Variants in ZNF718 observed in about 807,000 individuals in gnomAD.
The protein encoded by ZNF718 is zinc finger protein 718.
In ZNF718, 3 loss-of-function variants were observed where a neutral mutation model predicts 2.6. That is an observed-to-expected ratio of 1.16 (90% CI 0.53 to 3.01). The LOEUF (loss-of-function observed/expected upper bound fraction) is 3.01, where lower values mean the gene tolerates loss of function less well. Ranked by LOEUF, ZNF718 falls within the 30% of genes most tolerant of loss-of-function variation. The probability of loss-of-function intolerance (pLI) is 0.03; values close to 1 mark genes in which losing one functional copy is unlikely to be tolerated. For synonymous variants in ZNF718, 135 were observed against 77.9 expected (o/e 1.73, Z -3.86); for missense variants, 468 against 230.0 (o/e 2.03, Z -6.69).
chr4:201,713 C>A (rs1351098083), exon 5 of ZNF718: 1 of 183,480 alleles, frequency 5.5e-6, no homozygotes, highest in South Asian at 1.2e-4. Flanking sequence ...TAAATTTGGG[C>A]AACTCTGTAA....
chr4:139,932 A>G (rs1268253646), intron 3 of ZNF718, among the ~76,000 whole-genome samples: 1 of 151,932 alleles, frequency 6.6e-6, no homozygotes, highest in Non-Finnish European at 1.5e-5. Flanking sequence ...TGCTTAAGGA[A>G]CCTGGGTCTT....
chr4:198,150 C>T (rs1249794433), intron 3 of ZNF718, among the ~76,000 whole-genome samples: 1 of 152,110 alleles, frequency 6.6e-6, no homozygotes, highest in Non-Finnish European at 1.5e-5. Flanking sequence ...AGACCTGAGG[C>T]TGATCATGGC....
rs553042427 is a variant in ZNF718 at position 126,854 on chromosome 4, T to A, written c.3+2181T>A. On this transcript the variant is annotated intron_variant, in intron 1 of 3. Transcript: ENST00000510175. ...CTTTTTTTTTTTTTTTAAGACGGAG[T>A]CTTCGCTGTGTCGCCAGGCTGGAGT... Among the ~76,000 whole-genome samples the A allele has an allele frequency of 1.0e-4, 15 of 150,256 alleles. No homozygotes were observed. In the East Asian group the frequency reaches 2.9e-3, roughly 29 times the overall value.
rs781964713 is a variant in ZNF718 at position 162,025 on chromosome 4, T to G, written c.1340T>G (p.Val447Gly). ...AATAAACATAAGAAAATTCACACTGTAGATAAACCCTACAAATGTAAAGAA... is the reference window on the plus strand; with the variant it reads ...AATAAACATAAGAAAATTCACACTGGAGATAAACCCTACAAATGTAAAGAA... ...HLNKHKKIHT[V>G]DKPYKCKECG... The change falls in exon 4 of 4, where the codon GTA (valine) becomes GGA (glycine). Residue 447 changes from valine (V) to glycine (G), a missense_variant. By Grantham distance (109) the Val-to-Gly change is moderately radical (BLOSUM62 -3). Coordinates refer to ENST00000510175, the MANE Select transcript of ZNF718 (RefSeq NM_001039127.6). The G allele has an allele frequency of 1.3e-6, 1 of 778,050 alleles. No homozygotes were observed. Among genetic ancestry groups the G allele is most frequent in the Non-Finnish European group, 2.4e-6 (1 of 416,434 alleles). The allele number at this position is 778,050 out of a possible 1,614,324, so 48.2% of individuals were successfully genotyped here.
Position 158,024 on chromosome 4 carries a change from C to T in ZNF718, c.227-2888C>T, listed in dbSNP as rs782021800. Among the ~76,000 whole-genome samples, 111 of 152,130 alleles carry T rather than the reference C, an allele frequency of 7.3e-4. 2 individuals carry two copies. The highest frequency in any genetic ancestry group is 2.2e-4 in the Non-Finnish European group (15 of 68,006). On this transcript the variant is annotated intron_variant, in intron 3 of 3. Coordinates refer to ENST00000510175, the MANE Select transcript of ZNF718 (RefSeq NM_001039127.6). ...ATTTGAAACCCTAATGTGAGATACA[C>T]ACACACACATTAATATGTATATATA...
downstream of ZNF718, among the ~76,000 whole-genome samples, chr4:168,807 C>G (rs1438322019): frequency 6.6e-6 from 1 of 152,152 alleles, no homozygotes; most frequent in Non-Finnish European, 1.5e-5. Flanking sequence ...AAACCAGCTC[C>G]TGGATTCATT....
chr4:171,658 A>G (rs1302712948), intron 3 of ZNF718, among the ~76,000 whole-genome samples: 1 of 152,070 alleles, frequency 6.6e-6, no homozygotes, highest in Non-Finnish European at 1.5e-5. Flanking sequence ...ATGGGATATA[A>G]TCTCCTGGTG....
At position 197,155 on chromosome 4, in the gene ZNF718, G is replaced by A. The variant is rs141748276; in HGVS notation, c.227-3926G>A. 1.2e-3 allele frequency among the ~76,000 whole-genome samples: 180 copies of A among 152,058 alleles called. 4 individuals carry two copies. In the East Asian group the frequency reaches 0.019, roughly 16 times the overall value. On this transcript the variant is annotated intron_variant and NMD_transcript_variant, in intron 3 of 4. Transcript: ENST00000642529. ...GTTAAAAATAAAAATGAAAGAGTGAGAGACTTGATTTGGGAGTTGACATGT... is the reference window on the plus strand; with the variant it reads ...GTTAAAAATAAAAATGAAAGAGTGAAAGACTTGATTTGGGAGTTGACATGT...
intron 3 of ZNF718, among the ~76,000 whole-genome samples, chr4:139,553 G>A (rs1353687206): frequency 6.6e-6 from 1 of 152,160 alleles, no homozygotes; most frequent in African/African-American, 2.4e-5. Flanking sequence ...TTCTGTAATG[G>A]GGCCTTTGAG....
intron 3 of ZNF718, among the ~76,000 whole-genome samples, chr4:134,254 C>T (rs1334171310): frequency 1.3e-5 from 2 of 152,166 alleles, no homozygotes; most frequent in East Asian, 1.9e-4. Context: ...TCACACCATT[C>T]TCCTGCCTCA....
At chr4:134,240 G>A (rs572970765) in intron 3 of ZNF718, among the ~76,000 whole-genome samples, 1 of 152,058 alleles carries the variant, frequency 6.6e-6, no homozygotes, top group African/African-American at 2.4e-5. Context: ...TCTGCCTCCC[G>A]GGTTCACACC....
At position 124,635 on chromosome 4, in the gene ZNF718, G is replaced by T; in HGVS notation, c.-36G>T. The T allele has an allele frequency of 6.2e-7, 1 of 1,605,996 alleles. No homozygotes were observed. ...GTGACCTGCCGGTATTGGATGATTC[G>T]TATCTAAGACTCTGGGACACTCCTG... On this transcript the variant is annotated 5_prime_UTR_variant, in exon 1 of 4. Coordinates refer to ENST00000510175, the MANE Select transcript of ZNF718 (RefSeq NM_001039127.6).
intron 3 of ZNF718, among the ~76,000 whole-genome samples, chr4:152,194 T>C (rs2108796251): frequency 6.8e-6 from 1 of 146,168 alleles, no homozygotes; most frequent in Admixed American, 6.9e-5. Flanking sequence ...GACATTCCAT[T>C]GCCCAGGGAC....
intron 3 of ZNF718, among the ~76,000 whole-genome samples, chr4:133,323 C>A (rs1715409852): frequency 6.6e-6 from 1 of 151,220 alleles, no homozygotes; most frequent in African/African-American, 2.4e-5. Context: ...AAAATGCCCT[C>A]ACATTCAAAG....
intron 3 of ZNF718, among the ~76,000 whole-genome samples, chr4:185,305 A>G (rs1027010162): frequency 3.9e-5 from 6 of 152,094 alleles, no homozygotes; most frequent in South Asian, 4.1e-4. Flanking sequence ...ATGTAGTTGC[A>G]TGGTTTTGAG....
chr4:193,727 T>G (rs1303211861), intron 3 of ZNF718, among the ~76,000 whole-genome samples: 1 of 151,838 alleles, frequency 6.6e-6, no homozygotes, highest in Admixed American at 6.6e-5. Context: ...CTCCTGGTCC[T>G]CAATGGTCAA....
In ZNF718 at chr4:170,321, G is replaced by A. The variant is rs189265797; in HGVS notation, c.227-30760G>A. Among the ~76,000 whole-genome samples the A allele has an allele frequency of 2.1e-3, 319 of 152,212 alleles. 1 individual carries two copies. Among genetic ancestry groups the A allele is most frequent in the Admixed American group, 5.8e-3 (88 of 15,272 alleles). On this transcript the variant is annotated intron_variant and NMD_transcript_variant, in intron 3 of 4. Coordinates refer to the ZNF718 transcript ENST00000642529. ...CAACTTCAGTGAGTCTGACAATTAT[G>A]TGTCTTGGAGTTGCTCCTCTTGAGG...
intron 3 of ZNF718, among the ~76,000 whole-genome samples, chr4:148,240 G>C (rs543302449): frequency 6.6e-6 from 1 of 152,210 alleles, no homozygotes; most frequent in East Asian, 1.9e-4. Context: ...CTTTTTGGCA[G>C]GTTTCAGGCT....
intron 3 of ZNF718, among the ~76,000 whole-genome samples, chr4:172,062 ATATTC>A (rs1244318962): frequency 2.0e-5 from 3 of 152,334 alleles, no homozygotes; most frequent in South Asian, 2.1e-4. Flanking sequence ...AGAATAGTCT[ATATTC>A]TATATTTATT....
Sources: allele counts gnomAD v4.1 joint callset (sites outside exome capture counted in the v4.1 genomes callset), GRCh38; gene constraint gnomAD v4.1.1; transcripts MANE v1.5; gene names NCBI Gene and HGNC (gene_info 2026-07-23, HGNC 2026-07-21).